The following EPHA7 variants were observed in gnomAD, a reference collection of about 807,000 sequenced individuals.
EPHA7 encodes the protein ephrin type-A receptor 7.
EPHA7 carries 25 observed loss-of-function variants against 112.6 expected under a neutral mutation model. The ratio of observed to expected loss-of-function variants is 0.22; its 90% CI spans 0.16 to 0.31. EPHA7 has a LOEUF of 0.31. Among genes scored for constraint, EPHA7 ranks in the 10% least tolerant of loss-of-function variants. The probability of loss-of-function intolerance (pLI) is 1.00; values close to 1 mark genes in which losing one functional copy is unlikely to be tolerated. For missense variants in EPHA7, 962 were observed against 1,212.6 expected, an observed-to-expected ratio of 0.79 and a Z score of 3.07; for synonymous variants, 437 against 406.5, an observed-to-expected ratio of 1.07 and a Z score of -0.90.
intron 14 of EPHA7, among the ~76,000 whole-genome samples, chr6:93,247,906 G>C (rs1770029744): frequency 6.6e-6 from 1 of 151,934 alleles, no homozygotes; most frequent in Non-Finnish European, 1.5e-5. Context: ...ATTCAGACTT[G>C]GGTTTTTTAT....
intron 5 of EPHA7, among the ~76,000 whole-genome samples, chr6:93,324,156 A>G (rs1223631126): frequency 6.6e-6 from 1 of 151,434 alleles, no homozygotes; most frequent in African/African-American, 2.4e-5. Flanking sequence ...ATTACTGTTA[A>G]TGGATAGACT....
At chr6:93,246,201 GCCA>G (rs1769941410) in intron 15 of EPHA7, among the ~76,000 whole-genome samples, 1 of 151,746 alleles carries the variant, frequency 6.6e-6, no homozygotes, top group Admixed American at 6.6e-5. Context: ...ACAGGCGCCC[GCCA>G]CCACGCCCAG....
chr6:93,335,982 G>A (rs1405442265), intron 5 of EPHA7, among the ~76,000 whole-genome samples: 1 of 152,022 alleles, frequency 6.6e-6, no homozygotes, highest in Non-Finnish European at 1.5e-5. Context: ...TAACCTACAA[G>A]AGAGGCACAA....
chr6:93,298,339 AAC>A (rs1772782711), intron 5 of EPHA7, among the ~76,000 whole-genome samples: 1 of 152,190 alleles, frequency 6.6e-6, no homozygotes, highest in African/African-American at 2.4e-5. Flanking sequence ...ACAAAAGATG[AAC>A]ACAGAAATAA....
intron 3 of EPHA7, among the ~76,000 whole-genome samples, chr6:93,377,200 TCAAG>T (rs1777104270): frequency 6.6e-6 from 1 of 152,252 alleles, no homozygotes; most frequent in Non-Finnish European, 1.5e-5. Flanking sequence ...TTGGTAGACA[TCAAG>T]CATGCTGCTA....
intron 5 of EPHA7, among the ~76,000 whole-genome samples, chr6:93,302,839 C>T (rs1460132085): frequency 2.0e-5 from 3 of 151,958 alleles, no homozygotes; most frequent in African/African-American, 4.8e-5. Flanking sequence ...AAATAGTTGC[C>T]GATGGAAACC....
intron 6 of EPHA7, among the ~76,000 whole-genome samples, chr6:93,270,244 A>C (rs1771147709): frequency 6.6e-6 from 1 of 151,502 alleles, no homozygotes; most frequent in Non-Finnish European, 1.5e-5. Flanking sequence ...AAGTTTAAAT[A>C]TATATGATTT....
chr6:93,259,625 T>A, intron 9 of EPHA7, 146 bp from the exon 10 acceptor site: 1 of 890,522 alleles, frequency 1.1e-6, no homozygotes, highest in Non-Finnish European at 1.7e-6. Context: ...ACAGACTACT[T>A]CAGTCTGCTG....
chr6:93,240,449 G>T lies in EPHA7; in HGVS notation c.*2977C>A, dbSNP rs1769642467. 3 of 218,164 alleles carry T rather than the reference G, an allele frequency of 1.4e-5. No individual in the cohort carries two copies. The highest frequency in any genetic ancestry group is 2.8e-5 in the Non-Finnish European group (3 of 108,600). 13.5% of individuals were successfully genotyped at this position (218,164 alleles called of 1,614,324 possible). Reference sequence around the variant, plus strand: ...ATAGTCCTAAACAGTACTAGCTAATGTAGATTACATAAGTATACAATATGA... The same window carrying T: ...ATAGTCCTAAACAGTACTAGCTAATTTAGATTACATAAGTATACAATATGA... On this transcript the variant is annotated 3_prime_UTR_variant, in exon 17 of 17. Transcript: ENST00000369303.
At chr6:93,280,676 CCT>C (rs1044365320) in intron 5 of EPHA7, among the ~76,000 whole-genome samples, 2 of 152,040 alleles carry the variant, frequency 1.3e-5, no homozygotes, top group Non-Finnish European at 2.9e-5. Context: ...GAAAATTGAA[CCT>C]CTCTGTGTCT....
At chr6:93,394,091 C>T (rs1778043585) in intron 3 of EPHA7, among the ~76,000 whole-genome samples, 1 of 151,742 alleles carries the variant, frequency 6.6e-6, no homozygotes, top group East Asian at 1.9e-4. Flanking sequence ...CAAACTATTG[C>T]AATTCTAAAG....
chr6:93,305,818 A>T (rs1461585005), intron 5 of EPHA7, among the ~76,000 whole-genome samples: 2 of 151,908 alleles, frequency 1.3e-5, no homozygotes, highest in Non-Finnish European at 2.9e-5. Context: ...AAATAAAAAA[A>T]ATTTAAGTTT....
At chr6:93,415,975 T>A (rs1779201840) in intron 1 of EPHA7, among the ~76,000 whole-genome samples, 1 of 152,200 alleles carries the variant, frequency 6.6e-6, no homozygotes, top group African/African-American at 2.4e-5. Flanking sequence ...TTCACACTAG[T>A]CAAAGTTACT....
Position 93,242,042 on chromosome 6 carries a change from T to A in EPHA7, c.*1384A>T. 4.9e-6 allele frequency: 1 copy of A among 205,180 alleles called. No individual in the cohort carries two copies. The highest frequency in any genetic ancestry group is 1.0e-5 in the Non-Finnish European group (1 of 99,868). The allele number at this position is 205,180 out of a possible 1,614,324, so 12.7% of individuals were successfully genotyped here. A position where few individuals can be genotyped will look rare whatever the true frequency, so the allele number is the denominator to read the frequency against. On this transcript the variant is annotated 3_prime_UTR_variant, in exon 17 of 17. Transcript: ENST00000369303. ...GGGGTAGTTCATGATTTTCATAAGT[T>A]TTGAAAGCATTAATCACAATATGTA... is the stretch of plus-strand genomic sequence containing the variant.
chr6:93,312,595 G>A (rs190954334), intron 5 of EPHA7, among the ~76,000 whole-genome samples: 70 of 152,158 alleles, frequency 4.6e-4, no homozygotes, highest in Non-Finnish European at 7.2e-4. Flanking sequence ...CAGCAATAAG[G>A]CTGTTTCACT....
In EPHA7 at chr6:93,399,685, C is replaced by T. The variant is rs114244878; in HGVS notation, c.832+10816G>A. On this transcript the variant is annotated intron_variant, in intron 3 of 16. Transcript: ENST00000369303. The stretch of plus-strand genomic sequence containing the variant: ...CTTGTTGGCTCTGTGTGTGTGTGCG[C>T]GTGCACATACATATGAGTGTATTTA... Among the ~76,000 whole-genome samples the T allele has an allele frequency of 7.9e-3, 1,198 of 151,972 alleles. 15 individuals are homozygous for T. Among genetic ancestry groups the T allele is most frequent in the African/African-American group, 0.026 (1,090 of 41,502 alleles).
intron 6 of EPHA7, among the ~76,000 whole-genome samples, chr6:93,271,828 C>G (rs1328729984): frequency 6.6e-6 from 1 of 151,680 alleles, no homozygotes; most frequent in Non-Finnish European, 1.5e-5. Context: ...ATTTGTAAGT[C>G]TGAAGAACTA....
At chr6:93,368,238 C>T (rs1225616944) in intron 3 of EPHA7, among the ~76,000 whole-genome samples, 1 of 152,004 alleles carries the variant, frequency 6.6e-6, no homozygotes, top group Non-Finnish European at 1.5e-5. Context: ...TGTACCTTAA[C>T]TTGTATCTTT....
At chr6:93,261,994 T>C (rs1476385630) in intron 9 of EPHA7, among the ~76,000 whole-genome samples, 1 of 151,432 alleles carries the variant, frequency 6.6e-6, no homozygotes, top group East Asian at 1.9e-4. Flanking sequence ...CTGGGGGATA[T>C]TTCAAATATG....
Sources: allele counts gnomAD v4.1 joint callset (sites outside exome capture counted in the v4.1 genomes callset), GRCh38; gene constraint gnomAD v4.1.1; transcripts MANE v1.5; gene names NCBI Gene and HGNC (gene_info 2026-07-23, HGNC 2026-07-21).